The following NKAIN2 variants were observed in gnomAD, a reference collection of about 807,000 sequenced individuals.
NKAIN2 encodes the protein sodium/potassium transporting ATPase interacting 2.
NKAIN2 carries 14 observed loss-of-function variants against 32.6 expected under a neutral mutation model. That is an observed-to-expected ratio of 0.43 (90% confidence interval 0.28 to 0.67). NKAIN2 has a LOEUF of 0.67. NKAIN2 is among the 30% of genes least tolerant of loss of function. NKAIN2 has a pLI of 0.17. For synonymous variants in NKAIN2, 80 were observed against 87.2 expected (o/e 0.92, Z 0.46); for missense variants, 198 against 258.3 (o/e 0.77, Z 1.60).
chr6:123,870,882 A>G (rs2114281036), intron 1 of NKAIN2, among the ~76,000 whole-genome samples: 1 of 152,258 alleles, frequency 6.6e-6, no homozygotes, highest in South Asian at 2.1e-4. Flanking sequence ...CTAAAGTTAT[A>G]TATATAGAGT....
chr6:123,898,790 T>C (rs1774413526), intron 1 of NKAIN2, among the ~76,000 whole-genome samples: 1 of 152,174 alleles, frequency 6.6e-6, no homozygotes, highest in Admixed American at 6.6e-5. Context: ...CCCAGTCCTA[T>C]GTCTTGGCAA....
chr6:124,506,441 A>G (rs1041360164), intron 3 of NKAIN2, among the ~76,000 whole-genome samples: 3 of 152,198 alleles, frequency 2.0e-5, no homozygotes, highest in Non-Finnish European at 4.4e-5. Context: ...CCCAGGAGTG[A>G]GAATGGATTG....
intron 1 of NKAIN2, among the ~76,000 whole-genome samples, chr6:123,992,806 C>A (rs1254927468): frequency 6.6e-6 from 1 of 152,170 alleles, no homozygotes; most frequent in Non-Finnish European, 1.5e-5. Flanking sequence ...GGAGTTACTT[C>A]CAGATACTTT....
chr6:124,798,748 T>C (rs1446341949), intron 5 of NKAIN2, among the ~76,000 whole-genome samples: 2 of 152,156 alleles, frequency 1.3e-5, no homozygotes, highest in Admixed American at 6.5e-5. Flanking sequence ...CACTTTAATT[T>C]TATAGGCCCA....
chr6:124,167,310 C>G (rs1444447747), intron 1 of NKAIN2, among the ~76,000 whole-genome samples: 1 of 150,368 alleles, frequency 6.7e-6, no homozygotes, highest in Non-Finnish European at 1.5e-5. Context: ...CATGATTTGG[C>G]TCTCTGTTTG....
At chr6:123,816,143 AAG>A (rs1473645328) in intron 1 of NKAIN2, among the ~76,000 whole-genome samples, 2 of 152,218 alleles carry the variant, frequency 1.3e-5, no homozygotes, top group South Asian at 2.1e-4. Context: ...GTGAGAATGA[AAG>A]AGAATATATG....
intron 1 of NKAIN2, among the ~76,000 whole-genome samples, chr6:124,007,407 A>G (rs748809067): frequency 6.6e-6 from 1 of 152,196 alleles, no homozygotes; most frequent in Non-Finnish European, 1.5e-5. Context: ...ATGAGTGTGT[A>G]CAGTGAAAGC....
At chr6:124,157,252 CACACACACACACACAT>C (rs1259614646) in intron 1 of NKAIN2, among the ~76,000 whole-genome samples, 3 of 90,326 alleles carry the variant, frequency 3.3e-5, no homozygotes, top group East Asian at 3.3e-4. Flanking sequence ...TCATAATGGA[CACACACACACACACAT>C]ACACACACAC....
At chr6:123,944,436 C>T (rs4280991) in intron 1 of NKAIN2, among the ~76,000 whole-genome samples, 8 of 152,032 alleles carry the variant, frequency 5.3e-5, no homozygotes, top group Admixed American at 4.6e-4. Context: ...CCTATCCCCA[C>T]CTCATGTGTA....
intron 1 of NKAIN2, among the ~76,000 whole-genome samples, chr6:123,856,851 C>A (rs1004166149): frequency 6.6e-6 from 1 of 152,126 alleles, no homozygotes; most frequent in Non-Finnish European, 1.5e-5. Context: ...ACCTTCCTCT[C>A]CTAATTAAAT....
At chr6:124,247,172 A>G (rs1210172019) in intron 1 of NKAIN2, among the ~76,000 whole-genome samples, 1 of 152,060 alleles carries the variant, frequency 6.6e-6, no homozygotes, top group Non-Finnish European at 1.5e-5. Flanking sequence ...GGGCGGGGTC[A>G]TGGATAACTT....
chr6:124,582,090 T>TG (rs1781544085), intron 3 of NKAIN2, among the ~76,000 whole-genome samples: 1 of 151,630 alleles, frequency 6.6e-6, no homozygotes, highest in South Asian at 2.1e-4. Context: ...GGTTTTTTTT[T>TG]TGCGACGATA....
chr6:124,127,470 T>C (rs1786230624), intron 1 of NKAIN2, among the ~76,000 whole-genome samples: 1 of 152,208 alleles, frequency 6.6e-6, no homozygotes, highest in Non-Finnish European at 1.5e-5. Flanking sequence ...TAGTTAATTT[T>C]GTATTTTCAG....
chr6:124,095,538 C>T (rs1784614119), intron 1 of NKAIN2, among the ~76,000 whole-genome samples: 1 of 152,084 alleles, frequency 6.6e-6, no homozygotes, highest in Non-Finnish European at 1.5e-5. Context: ...ATGGATTTTG[C>T]TCCTTTATGC....
chr6:124,220,217 A>G, intron 1 of NKAIN2, among the ~76,000 whole-genome samples: 1 of 151,248 alleles, frequency 6.6e-6, no homozygotes, highest in South Asian at 2.1e-4. Context: ...TCTCTTTCTC[A>G]CTATCTCTCC....
chr6:124,703,813 A>G (rs1017072602), intron 4 of NKAIN2, among the ~76,000 whole-genome samples: 3 of 152,018 alleles, frequency 2.0e-5, no homozygotes, highest in Non-Finnish European at 4.4e-5. Flanking sequence ...ACCAACAGAT[A>G]GGGATTTGTG....
chr6:124,091,824 T>C (rs143976458), intron 1 of NKAIN2, among the ~76,000 whole-genome samples: 99 of 152,092 alleles, frequency 6.5e-4, no homozygotes, highest in African/African-American at 2.3e-3. Context: ...TTCTACCTGG[T>C]CTATGAAATC....
chr6:123,833,972 C>T (rs1582617304), intron 1 of NKAIN2, among the ~76,000 whole-genome samples: 2 of 151,810 alleles, frequency 1.3e-5, no homozygotes, highest in South Asian at 4.2e-4. Flanking sequence ...TTGATCCACC[C>T]GCCTCAGCCT....
intron 3 of NKAIN2, chr6:124,490,374 T>C (rs1040923804): frequency 4.5e-6 from 2 of 440,482 alleles, no homozygotes; most frequent in East Asian, 7.0e-5. Context: ...GGTTGTGGAA[T>C]TTCCCTCAAA....
Sources: gnomAD v4.1 joint callset for allele counts (sites outside exome capture counted in the v4.1 genomes callset) on GRCh38, gnomAD v4.1.1 for gene constraint, MANE v1.5 for transcripts, NCBI Gene and HGNC (gene_info 2026-07-23, HGNC 2026-07-21) for gene names.